TSPAN18: variants seen among roughly 807,000 people sequenced by gnomAD.
TSPAN18 encodes tetraspanin-18.
In TSPAN18, 14 loss-of-function variants were observed where a neutral mutation model predicts 27.3. The observed-to-expected ratio is 0.51, with a 90% CI of 0.34 to 0.80. The LOEUF (loss-of-function observed/expected upper bound fraction) is 0.80. Ranked by LOEUF, TSPAN18 falls within the 30% of genes least tolerant of loss-of-function variation. TSPAN18 has a pLI of 0.01. For synonymous variants in TSPAN18, 143 were observed against 136.5 expected, an observed-to-expected ratio of 1.05 and a Z score of -0.33; for missense variants, 268 against 323.9, an observed-to-expected ratio of 0.83 and a Z score of 1.32.
rs565525418 is a variant in TSPAN18, at chr11:44,815,656, C to T, written c.-152-44672C>T. Among the ~76,000 whole-genome samples the T allele has an allele frequency of 3.6e-4, 55 of 152,304 alleles. 1 individual carries two copies. The South Asian group carries it at 0.011, about 31-fold the overall frequency. On this transcript the variant is annotated intron_variant, in intron 2 of 9. Transcript: ENST00000520358. Reference sequence around the variant, plus strand: ...CCATGGTGATAATGATAAATACATACATGCCTTAGATAAACTCAGGCCATG... The same window carrying T: ...CCATGGTGATAATGATAAATACATATATGCCTTAGATAAACTCAGGCCATG...
chr11:44,882,009 C>A (rs1038073111), intron 3 of TSPAN18, among the ~76,000 whole-genome samples: 8 of 152,208 alleles, frequency 5.3e-5, no homozygotes, highest in African/African-American at 1.4e-4. Context: ...ATCTTCCCAA[C>A]TCCCACAGTG....
At chr11:44,858,413 A>AG (rs1857792587) in intron 2 of TSPAN18, among the ~76,000 whole-genome samples, 1 of 152,238 alleles carries the variant, frequency 6.6e-6, no homozygotes, top group Non-Finnish European at 1.5e-5. Context: ...ACAGGCTTCA[A>AG]AGCTGGCCTG....
chr11:44,909,729 A>G lies in TSPAN18; in HGVS notation c.88A>G (p.Ile30Val), dbSNP rs141764047. The G allele has an allele frequency of 4.3e-6, 7 of 1,612,070 alleles. No homozygotes were observed. Among genetic ancestry groups the G allele is most frequent in the Non-Finnish European group, 5.9e-6 (7 of 1,179,772 alleles). Residue 30 changes from isoleucine to valine, a missense_variant, in exon 5 of 10, where the codon ATC becomes GTC. By Grantham distance (29) the Ile-to-Val change is conservative. Transcript: ENST00000520358. ...GCTGGGCGGGGCCTGCCTGCTGGCC[A>G]TCGGCATCTGGGTCATGGTGGACCC... Reference protein sequence around the residue: ...IFLGGACLLAIGIWVMVDPTG... With the variant: ...IFLGGACLLAVGIWVMVDPTG...
In TSPAN18 at chr11:44,929,952, G is replaced by A. The variant is rs1436200432; in HGVS notation, c.*774G>A. 6.6e-6 allele frequency: 1 copy of A among 152,366 alleles called. No homozygotes were observed. Among genetic ancestry groups the A allele is most frequent in the Non-Finnish European group, 1.5e-5 (1 of 68,160 alleles). 9.4% of individuals were successfully genotyped at this position (152,366 alleles called of 1,614,324 possible). ...TGGCCTCAGCATCCCGGTTCCCCCAGACAAGAGAGGGCAAGTCAGCCAGGA... is the reference window on the plus strand; with the variant it reads ...TGGCCTCAGCATCCCGGTTCCCCCAAACAAGAGAGGGCAAGTCAGCCAGGA... On this transcript the variant is annotated 3_prime_UTR_variant, in exon 10 of 10. Transcript: ENST00000520358.
chr11:44,928,674 T>G (rs1028745235), intron 9 of TSPAN18, among the ~76,000 whole-genome samples: 1 of 152,104 alleles, frequency 6.6e-6, no homozygotes, highest in Admixed American at 6.5e-5. Flanking sequence ...TAGTCCCAGC[T>G]ACTCAGGAGG....
In TSPAN18 at chr11:44,787,052, A is replaced by G. The variant is rs192655747; in HGVS notation, c.-153+22540A>G. On this transcript the variant is annotated intron_variant, in intron 2 of 9. Coordinates refer to ENST00000520358, the MANE Select transcript of TSPAN18 (RefSeq NM_130783.5). ...AGGGCCTAATTAGGAAGGCATACAT[A>G]TGATGCTTGTGGGCTGGGGACAAGA... is the stretch of plus-strand genomic sequence containing the variant. Among the ~76,000 whole-genome samples the G allele has an allele frequency of 1.2e-3, 187 of 152,306 alleles. 2 individuals are homozygous for G. Among genetic ancestry groups the G allele is most frequent in the Non-Finnish European group, 6.0e-4 (41 of 68,018 alleles).
intron 3 of TSPAN18, among the ~76,000 whole-genome samples, chr11:44,882,627 C>CAGAG (rs71449897): frequency 0.017 from 2,170 of 130,632 alleles, 36 homozygotes; most frequent in Non-Finnish European, 0.024. Context: ...CACACACACA[C>CAGAG]AGAGAGAGAG....
intron 1 of TSPAN18, among the ~76,000 whole-genome samples, chr11:44,741,964 A>T (rs1241300769): frequency 6.6e-6 from 1 of 151,178 alleles, no homozygotes; most frequent in African/African-American, 2.4e-5. Context: ...CAGAAACAGC[A>T]GAGTTTTTCC....
In TSPAN18 at chr11:44,930,827, G is replaced by A; in HGVS notation, c.*1649G>A. The A allele has an allele frequency of 2.0e-6, 1 of 489,738 alleles. No individual in the cohort carries two copies. Among genetic ancestry groups the A allele is most frequent in the South Asian group, 1.5e-5 (1 of 65,754 alleles). The allele number at this position is 489,738 out of a possible 1,614,324, so 30.3% of individuals were successfully genotyped here. ...GCAGGGATGGAAGGAGCAGTGTGAT[G>A]TCTGCTCTCTTCTCTCCCCTCTGTC... On this transcript the variant is annotated 3_prime_UTR_variant, in exon 10 of 10. Transcript: ENST00000520358.
chr11:44,902,687 G>A (rs1196354401), intron 3 of TSPAN18, among the ~76,000 whole-genome samples: 2 of 152,196 alleles, frequency 1.3e-5, no homozygotes, highest in Non-Finnish European at 2.9e-5. Context: ...GAAGGGATAG[G>A]TTGTCCTGGT....
At chr11:44,760,430 G>C (rs1855426501) in intron 1 of TSPAN18, among the ~76,000 whole-genome samples, 1 of 152,246 alleles carries the variant, frequency 6.6e-6, no homozygotes, top group Admixed American at 6.5e-5. Context: ...CTGGGAAATA[G>C]ACAAGAGTCT....
chr11:44,787,900 C>T (rs1305684368), intron 2 of TSPAN18, among the ~76,000 whole-genome samples: 1 of 146,620 alleles, frequency 6.8e-6, no homozygotes, highest in Non-Finnish European at 1.5e-5. Flanking sequence ...TGCCTTAAAG[C>T]CCCTCGTTAC....
chr11:44,853,394 A>G (rs189429624), intron 2 of TSPAN18, among the ~76,000 whole-genome samples: 215 of 152,322 alleles, frequency 1.4e-3, no homozygotes, highest in African/African-American at 5.0e-3. Flanking sequence ...TCGAAGGCCC[A>G]TAAGTCTGGG....
chr11:44,844,562 T>G (rs1388807105), intron 2 of TSPAN18, among the ~76,000 whole-genome samples: 1 of 152,258 alleles, frequency 6.6e-6, no homozygotes, highest in Admixed American at 6.5e-5. Context: ...TTGTGCCTTT[T>G]AATTTGCATT....
chr11:44,844,123 A>G (rs1857431927), intron 2 of TSPAN18, among the ~76,000 whole-genome samples: 2 of 152,234 alleles, frequency 1.3e-5, no homozygotes, highest in Admixed American at 6.5e-5. Flanking sequence ...CAAAAGTATT[A>G]ATTTGGGGAA....
chr11:44,803,149 T>C (rs926603973), intron 2 of TSPAN18, among the ~76,000 whole-genome samples: 1 of 152,138 alleles, frequency 6.6e-6, no homozygotes, highest in Non-Finnish European at 1.5e-5. Flanking sequence ...ACAACACAAG[T>C]GAGTGTTCGT....
chr11:44,823,665 C>T (rs543772630), intron 2 of TSPAN18, among the ~76,000 whole-genome samples: 16 of 152,216 alleles, frequency 1.1e-4, no homozygotes, highest in Admixed American at 1.0e-3. Context: ...TGTAGCTTGG[C>T]TTTCAGGCTT....
intron 1 of TSPAN18, among the ~76,000 whole-genome samples, chr11:44,739,293 T>G (rs1456010198): frequency 1.3e-5 from 2 of 152,174 alleles, no homozygotes; most frequent in Non-Finnish European, 2.9e-5. Context: ...CGTATCTTTT[T>G]TTTGGATTTT....
At chr11:44,747,073 G>T (rs1223922379) in intron 1 of TSPAN18, among the ~76,000 whole-genome samples, 1 of 152,222 alleles carries the variant, frequency 6.6e-6, no homozygotes, top group Non-Finnish European at 1.5e-5. Context: ...GACTGGTCAG[G>T]GCTAGAGGCC....
Sources: allele counts gnomAD v4.1 joint callset (sites outside exome capture counted in the v4.1 genomes callset), GRCh38; gene constraint gnomAD v4.1.1; transcripts MANE v1.5; gene names NCBI Gene and HGNC (gene_info 2026-07-23, HGNC 2026-07-21).